Variants in KIF6 observed in about 807,000 individuals in gnomAD.
KIF6 encodes the protein kinesin family member 6.
KIF6 carries 106 observed loss-of-function variants against 112.7 expected under a neutral mutation model. The ratio of observed to expected loss-of-function variants is 0.94; its 90% CI spans 0.80 to 1.11. The LOEUF is 1.11. Among genes scored for constraint, KIF6 ranks in the 50% least tolerant of loss-of-function variants. KIF6 has a pLI of 0.00. For synonymous variants in KIF6, 339 were observed against 339.9 expected (o/e 1.00, Z 0.03); for missense variants, 929 against 964.0 (o/e 0.96, Z 0.48).
At chr6:39,535,639 C>T (rs1208033731) in intron 13 of KIF6, among the ~76,000 whole-genome samples, 1 of 152,172 alleles carries the variant, frequency 6.6e-6, no homozygotes, top group Non-Finnish European at 1.5e-5. Context: ...CCACTGTCAA[C>T]ATTAGACAGA....
chr6:39,576,806 A>T (rs558335408), intron 10 of KIF6, among the ~76,000 whole-genome samples: 1 of 152,290 alleles, frequency 6.6e-6, no homozygotes, highest in South Asian at 2.1e-4. Flanking sequence ...TTTCTCAGCA[A>T]AACTGTCTCC....
chr6:39,421,184 G>T (rs755109824), intron 14 of KIF6, among the ~76,000 whole-genome samples: 6 of 152,362 alleles, frequency 3.9e-5, no homozygotes, highest in Admixed American at 2.0e-4. Context: ...TGACTAGGGA[G>T]TGGCCTGTCC....
chr6:39,444,242 T>C (rs998931442), intron 13 of KIF6, among the ~76,000 whole-genome samples: 8 of 152,162 alleles, frequency 5.3e-5, no homozygotes, highest in Non-Finnish European at 8.8e-5. Context: ...CACCTTTCTT[T>C]TTTTTTCTTT....
At chr6:39,490,987 T>A (rs1023906488) in intron 13 of KIF6, among the ~76,000 whole-genome samples, 1 of 152,192 alleles carries the variant, frequency 6.6e-6, no homozygotes, top group Non-Finnish European at 1.5e-5. Flanking sequence ...TTAGATTGTA[T>A]TTTTTAAAGA....
intron 19 of KIF6, among the ~76,000 whole-genome samples, chr6:39,356,292 C>T (rs1348156788): frequency 6.6e-6 from 1 of 150,530 alleles, no homozygotes; most frequent in Non-Finnish European, 1.5e-5. Flanking sequence ...TTTTTTGAGA[C>T]GGAGTCTCTG....
intron 10 of KIF6, among the ~76,000 whole-genome samples, chr6:39,559,302 A>T (rs942192736): frequency 1.3e-5 from 2 of 151,998 alleles, no homozygotes; most frequent in South Asian, 2.1e-4. Context: ...TTTTTTTTTT[A>T]AAACTGCCCA....
At chr6:39,711,896 A>T (rs11757835) in intron 3 of KIF6, among the ~76,000 whole-genome samples, 1 of 152,184 alleles carries the variant, frequency 6.6e-6, no homozygotes. Flanking sequence ...TAGAGAAAAG[A>T]CAGAGAGAGC....
intron 13 of KIF6, among the ~76,000 whole-genome samples, chr6:39,431,697 A>T (rs984959168): frequency 6.6e-6 from 1 of 152,144 alleles, no homozygotes; most frequent in African/African-American, 2.4e-5. Context: ...GTCCTCAGTT[A>T]CAAGACTCAT....
At chr6:39,397,845 G>A (rs971596486) in intron 15 of KIF6, among the ~76,000 whole-genome samples, 2 of 152,294 alleles carry the variant, frequency 1.3e-5, no homozygotes, top group South Asian at 2.1e-4. Flanking sequence ...CTGATGGCAC[G>A]ATTTTGGGTG....
chr6:39,605,575 T>G (rs374692190), intron 6 of KIF6, among the ~76,000 whole-genome samples: 1 of 152,244 alleles, frequency 6.6e-6, no homozygotes, highest in African/African-American at 2.4e-5. Context: ...AGATATCCAT[T>G]TGTATCATTT....
chr6:39,704,315 TTAAAGA>T (rs1789055001), intron 3 of KIF6, among the ~76,000 whole-genome samples: 3 of 152,190 alleles, frequency 2.0e-5, no homozygotes, highest in Admixed American at 2.0e-4. Flanking sequence ...TTTTCCCCAC[TTAAAGA>T]TAAAAAGCTG....
At chr6:39,633,706 A>G (rs1784469457) in intron 5 of KIF6, among the ~76,000 whole-genome samples, 1 of 152,198 alleles carries the variant, frequency 6.6e-6, no homozygotes, top group East Asian at 1.9e-4. Context: ...GTCATTCTCA[A>G]TGCTGGTCAG....
chr6:39,486,397 T>A (rs1487235792), intron 13 of KIF6, among the ~76,000 whole-genome samples: 1 of 152,182 alleles, frequency 6.6e-6, no homozygotes, highest in East Asian at 1.9e-4. Context: ...ATGGGCCATC[T>A]GGGGCCCTCA....
intron 7 of KIF6, among the ~76,000 whole-genome samples, chr6:39,591,267 GA>G (rs1781939180): frequency 6.6e-6 from 1 of 152,160 alleles, no homozygotes; most frequent in Admixed American, 6.5e-5. Context: ...GTCCTCTCTA[GA>G]AAGGGCTCTC....
intron 13 of KIF6, among the ~76,000 whole-genome samples, chr6:39,514,982 GTAGACC>G (rs1302573972): frequency 6.6e-6 from 1 of 152,160 alleles, no homozygotes; most frequent in African/African-American, 2.4e-5. Flanking sequence ...TTGTGATGAA[GTAGACC>G]TATAATAAAA....
intron 15 of KIF6, among the ~76,000 whole-genome samples, chr6:39,401,839 T>C (rs1487354358): frequency 6.6e-6 from 1 of 152,172 alleles, no homozygotes; most frequent in East Asian, 1.9e-4. Flanking sequence ...ATATTACTAC[T>C]GCCTGTAGTT....
intron 13 of KIF6, among the ~76,000 whole-genome samples, chr6:39,480,528 A>G (rs1280043838): frequency 6.7e-6 from 1 of 149,708 alleles, no homozygotes; most frequent in Admixed American, 6.6e-5. Context: ...TTTTTTTGCT[A>G]TTGTCCTTTC....
chr6:39,352,137 T>C (rs1296070216), intron 19 of KIF6, among the ~76,000 whole-genome samples: 1 of 152,260 alleles, frequency 6.6e-6, no homozygotes. Context: ...AGAGAAGTTT[T>C]AAGTTTACAG....
At position 39,584,215 on chromosome 6, in the gene KIF6, A is replaced by G. The variant is rs1287068350; in HGVS notation, c.1077+683T>C. ...GGTGGGTGGACTGCCTGAGCTCAGG[A>G]GTTTGAGACCAGCCTAGGCAACTCA... On this transcript the variant is annotated intron_variant, in intron 9 of 22. Transcript: ENST00000287152. Among the ~76,000 whole-genome samples the G allele has an allele frequency of 3.3e-5, 5 of 151,696 alleles. No individual in the cohort carries two copies. In the East Asian group the frequency reaches 9.7e-4, roughly 29 times the overall value.
Sources: allele counts gnomAD v4.1 joint callset (sites outside exome capture counted in the v4.1 genomes callset), GRCh38; gene constraint gnomAD v4.1.1; transcripts MANE v1.5; gene names NCBI Gene and HGNC (gene_info 2026-07-23, HGNC 2026-07-21).